RBFOX1: variants seen among roughly 807,000 people sequenced by gnomAD.
RBFOX1 encodes RNA binding fox-1 homolog 1.
RBFOX1 carries 8 observed loss-of-function variants against 57.7 expected under a neutral mutation model. The ratio of observed to expected loss-of-function variants is 0.14; its 90% confidence interval spans 0.08 to 0.25. The LOEUF is 0.25. Among genes scored for constraint, RBFOX1 ranks in the 10% least tolerant of loss-of-function variants. The probability of loss-of-function intolerance (pLI) is 1.00; values close to 1 mark genes in which losing one functional copy is unlikely to be tolerated. For synonymous variants in RBFOX1, 326 were observed against 222.4 expected (o/e 1.47, Z -4.15); for missense variants, 611 against 548.5 (o/e 1.11, Z -1.14).
chr16:5,962,879 G>T (rs938025586), intron 4 of RBFOX1, among the ~76,000 whole-genome samples: 3 of 146,506 alleles, frequency 2.0e-5, no homozygotes, highest in African/African-American at 7.6e-5. Context: ...TTGAGAGAAA[G>T]AATTTCCTTT....
chr16:6,645,187 C>T (rs1033232992), intron 2 of RBFOX1, among the ~76,000 whole-genome samples: 1 of 152,184 alleles, frequency 6.6e-6, no homozygotes, highest in Non-Finnish European at 1.5e-5. Flanking sequence ...ATACTTGTTA[C>T]TGGATTTAGA....
At chr16:6,969,413 A>T (rs1278196571) in intron 3 of RBFOX1, among the ~76,000 whole-genome samples, 1 of 150,286 alleles carries the variant, frequency 6.7e-6, no homozygotes, top group Non-Finnish European at 1.5e-5. Context: ...TTTCACAATG[A>T]ATAATTGTGA....
rs759103545 is a variant in RBFOX1, at chr16:7,000,596, C to CTTTTTTTTTTTTT, written c.-15-51452_-15-51440dup. Among the ~76,000 whole-genome samples the CTTTTTTTTTTTTT allele has an allele frequency of 5.8e-3, 533 of 92,550 alleles. 8 individuals carry two copies. Among genetic ancestry groups the CTTTTTTTTTTTTT allele is most frequent in the Middle Eastern group, 0.015 (2 of 130 alleles). The allele number at this position is 92,550 out of a possible 152,430, so 60.7% of individuals were successfully genotyped here. ...TTTCTTTTTTTCTTTCTTTTTCTTT[C>CTTTTTTTTTTTTT]TTTTTTTTTTTTTTTTTTTTTGAGA... On this transcript the variant is annotated intron_variant, in intron 3 of 15. Transcript: ENST00000550418.
chr16:6,724,172 T>A (rs2066613059), intron 3 of RBFOX1, among the ~76,000 whole-genome samples: 1 of 152,016 alleles, frequency 6.6e-6, no homozygotes, highest in Non-Finnish European at 1.5e-5. Context: ...CCTTGCCTTG[T>A]TGTCCTGATA....
intron 3 of RBFOX1, among the ~76,000 whole-genome samples, chr16:5,750,812 C>G (rs116778288): frequency 1.6e-3 from 244 of 152,324 alleles, no homozygotes; most frequent in African/African-American, 5.8e-3. Context: ...CTTGCACTTC[C>G]CAGGTTAGTC....
chr16:6,515,619 A>G (rs143088938), intron 2 of RBFOX1, among the ~76,000 whole-genome samples: 2 of 152,284 alleles, frequency 1.3e-5, no homozygotes, highest in East Asian at 3.9e-4. Flanking sequence ...TCCTTCCATT[A>G]TTCTCTGTGC....
At chr16:6,065,875 C>T (rs747329191) in intron 1 of RBFOX1, among the ~76,000 whole-genome samples, 6 of 152,102 alleles carry the variant, frequency 3.9e-5, no homozygotes, top group South Asian at 2.1e-4. Context: ...ATTTTGCCTC[C>T]GAGGACTAGG....
At chr16:5,397,933 G>A (rs1188520283) in intron 1 of RBFOX1, among the ~76,000 whole-genome samples, 1 of 152,210 alleles carries the variant, frequency 6.6e-6, no homozygotes, top group Non-Finnish European at 1.5e-5. Context: ...CCACGTGCTT[G>A]CTGAACAAGA....
chr16:6,445,565 T>A (rs1413834349), intron 2 of RBFOX1, among the ~76,000 whole-genome samples: 1 of 36,884 alleles, frequency 2.7e-5, no homozygotes, highest in African/African-American at 1.0e-4. Context: ...GAACTCCTTT[T>A]TTTTTTTTTT....
chr16:6,596,498 A>C (rs1365102784), intron 2 of RBFOX1, among the ~76,000 whole-genome samples: 4 of 149,732 alleles, frequency 2.7e-5, no homozygotes, highest in Non-Finnish European at 5.9e-5. Flanking sequence ...AATTAACTGC[A>C]AAAGGAGGGG....
At chr16:5,954,791 C>G (rs2059590394) in intron 4 of RBFOX1, among the ~76,000 whole-genome samples, 1 of 152,150 alleles carries the variant, frequency 6.6e-6, no homozygotes, top group Non-Finnish European at 1.5e-5. Flanking sequence ...TCCTCCCCTT[C>G]CTGCAGCCTC....
At chr16:6,913,694 G>C (rs1340848103) in intron 3 of RBFOX1, among the ~76,000 whole-genome samples, 1 of 152,170 alleles carries the variant, frequency 6.6e-6, no homozygotes, top group East Asian at 1.9e-4. Flanking sequence ...TCCTTGCCTA[G>C]CTGGGCCAGG....
At chr16:5,301,480 G>T (rs891698284) in intron 1 of RBFOX1, among the ~76,000 whole-genome samples, 3 of 152,002 alleles carry the variant, frequency 2.0e-5, no homozygotes, top group African/African-American at 7.2e-5. Flanking sequence ...TTAGCCAAGT[G>T]TGGTGGCAGG....
intron 3 of RBFOX1, among the ~76,000 whole-genome samples, chr16:5,655,190 C>T (rs2049385506): frequency 6.6e-6 from 1 of 152,218 alleles, no homozygotes; most frequent in African/African-American, 2.4e-5. Context: ...GGCATTTGCA[C>T]ACCATCATAT....
intron 2 of RBFOX1, among the ~76,000 whole-genome samples, chr16:6,415,984 A>G (rs2093614287): frequency 6.6e-6 from 1 of 152,208 alleles, no homozygotes; most frequent in Admixed American, 6.5e-5. Flanking sequence ...CCCATTGTTA[A>G]CACCTGCCAG....
chr16:6,667,904 A>G (rs1388346986), intron 3 of RBFOX1, among the ~76,000 whole-genome samples: 1 of 152,052 alleles, frequency 6.6e-6, no homozygotes, highest in Non-Finnish European at 1.5e-5. Context: ...AACTAAAGAA[A>G]AAAAAAATAA....
chr16:7,298,466 A>G (rs1002045961), intron 4 of RBFOX1, among the ~76,000 whole-genome samples: 4 of 151,496 alleles, frequency 2.6e-5, no homozygotes, highest in African/African-American at 9.7e-5. Context: ...TAATTTTTGT[A>G]TATTTGGTTG....
intron 4 of RBFOX1, among the ~76,000 whole-genome samples, chr16:7,242,519 T>C (rs772350330): frequency 6.6e-6 from 1 of 152,182 alleles, no homozygotes; most frequent in Non-Finnish European, 1.5e-5. Flanking sequence ...TCATTACACA[T>C]TGACTAAGGA....
rs147736756 is a variant in RBFOX1, at chr16:5,935,211, G to A, written c.351+67876G>A. The stretch of plus-strand genomic sequence containing the variant: ...CCAATCCCCTACAATCTAAAAAATG[G>A]AAAATTTGAGCTATAGTGAGGTTAA... On this transcript the variant is annotated intron_variant, in intron 4 of 19. Transcript: ENST00000641259. 1.5e-3 allele frequency among the ~76,000 whole-genome samples: 221 copies of A among 152,220 alleles called. 1 individual carries two copies. Among genetic ancestry groups the A allele is most frequent in the African/African-American group, 5.2e-3 (217 of 41,540 alleles).
Sources: allele counts gnomAD v4.1 joint callset (sites outside exome capture counted in the v4.1 genomes callset), GRCh38; gene constraint gnomAD v4.1.1; transcripts MANE v1.5; gene names NCBI Gene and HGNC (gene_info 2026-07-23, HGNC 2026-07-21).